Variants in GSE1 observed in about 807,000 individuals in gnomAD.
The protein encoded by GSE1 is genetic suppressor element 1.
Under a neutral mutation model 112.6 loss-of-function variants are expected in GSE1, and 32 were observed. That is an observed-to-expected ratio of 0.28 (90% CI 0.21 to 0.38). The LOEUF (loss-of-function observed/expected upper bound fraction) is 0.38. GSE1 is among the 10% of genes least tolerant of loss of function. GSE1 has a pLI of 1.00. For synonymous variants in GSE1, 1,115 were observed against 735.6 expected (o/e 1.52, Z -8.35); for missense variants, 2,348 against 1,699.2 (o/e 1.38, Z -6.71).
chr16:85,424,850 C>T (rs2048931901), intron 2 of GSE1, among the ~76,000 whole-genome samples: 1 of 151,180 alleles, frequency 6.6e-6, no homozygotes, highest in African/African-American at 2.5e-5. Flanking sequence ...GCAGCTGTCA[C>T]TTACAGCGAT....
chr16:85,494,307 C>G (rs930763698), intron 2 of GSE1, among the ~76,000 whole-genome samples: 5 of 152,326 alleles, frequency 3.3e-5, no homozygotes, highest in African/African-American at 1.2e-4. Context: ...CTTGTGGCCG[C>G]TTCACTACAG....
At chr16:85,363,427 T>C (rs1181698206) in intron 2 of GSE1, among the ~76,000 whole-genome samples, 2 of 152,194 alleles carry the variant, frequency 1.3e-5, no homozygotes, top group African/African-American at 2.4e-5. Flanking sequence ...GGGGAACCAC[T>C]GGGCCAGGCC....
At chr16:85,385,458 C>T (rs772277887) in intron 2 of GSE1, among the ~76,000 whole-genome samples, 20 of 152,124 alleles carry the variant, frequency 1.3e-4, no homozygotes, top group Admixed American at 3.9e-4. Context: ...CTGGGTGGGA[C>T]ATACTTGCCT....
intron 2 of GSE1, among the ~76,000 whole-genome samples, chr16:85,396,675 C>T (rs1386423360): frequency 6.6e-6 from 1 of 152,240 alleles, no homozygotes; most frequent in African/African-American, 2.4e-5. Context: ...ATTCTCAGGA[C>T]CCCACAACGG....
At chr16:85,397,649 G>C (rs1386602948) in intron 2 of GSE1, among the ~76,000 whole-genome samples, 1 of 152,232 alleles carries the variant, frequency 6.6e-6, no homozygotes, top group Non-Finnish European at 1.5e-5. Context: ...CGGAGCACCA[G>C]GGTGCGGGAG....
At chr16:85,301,324 G>A (rs1023334808) in intron 1 of GSE1, among the ~76,000 whole-genome samples, 30 of 152,250 alleles carry the variant, frequency 2.0e-4, no homozygotes, top group African/African-American at 4.3e-4. Context: ...ACTGGGAGAC[G>A]TGTCGGATTC....
Position 85,655,752 on chromosome 16 carries a change from C to T in GSE1, c.824C>T (p.Ala275Val), listed in dbSNP as rs1171240541. 4 of 1,607,758 alleles carry T rather than the reference C, an allele frequency of 2.5e-6. No individual in the cohort carries two copies. Among genetic ancestry groups the T allele is most frequent in the Non-Finnish European group, 3.4e-6 (4 of 1,177,240 alleles). ...ATGGACGACTCCTACTGCCTGTCTGCCCTGAGGTCCCCGTTCTACCCCATC... is the reference window on the plus strand; with the variant it reads ...ATGGACGACTCCTACTGCCTGTCTGTCCTGAGGTCCCCGTTCTACCCCATC... The part of the protein sequence containing the change: ...FRMDDSYCLS[A>V]LRSPFYPIPT... The change falls in exon 6 of 16, where the codon GCC becomes GTC. Residue 275 changes from alanine to valine, a missense_variant. Coordinates refer to ENST00000253458, the MANE Select transcript of GSE1 (RefSeq NM_014615.5).
chr16:85,656,368 C>T lies in GSE1; in HGVS notation c.1015C>T (p.Arg339Trp), dbSNP rs750219239. ...GCTGCAGATGGACGAGGAGCTAAGG[C>T]GGGAGAGGGAGCGCGAGCGCGAGCG... Reference protein sequence around the residue: ...ERLQMDEELRRERERERERER... With the variant: ...ERLQMDEELRWERERERERER... The change falls in exon 7 of 16, where the codon CGG becomes TGG. Residue 339 changes from arginine to tryptophan, a missense_variant. Physicochemically the swap from Arg to Trp is moderately radical, Grantham distance 101 (BLOSUM62 -3). Coordinates refer to ENST00000253458, the MANE Select transcript of GSE1 (RefSeq NM_014615.5). The T allele has an allele frequency of 2.6e-5, 41 of 1,604,642 alleles. No homozygotes were observed. The highest frequency in any genetic ancestry group is 6.6e-5 in the South Asian group (6 of 90,628).
At chr16:85,485,704 G>C (rs561678988) in intron 2 of GSE1, among the ~76,000 whole-genome samples, 1 of 152,242 alleles carries the variant, frequency 6.6e-6, no homozygotes, top group Admixed American at 6.5e-5. Flanking sequence ...GAGGCGGCCG[G>C]CTGTGCATCA....
intron 1 of GSE1, among the ~76,000 whole-genome samples, chr16:85,567,427 C>T (rs749219125): frequency 2.0e-5 from 3 of 152,178 alleles, no homozygotes; most frequent in South Asian, 2.1e-4. Context: ...TGCAGAGTCC[C>T]GAGTCGTCTG....
intron 1 of GSE1, among the ~76,000 whole-genome samples, chr16:85,631,896 A>G (rs919811954): frequency 1.3e-5 from 2 of 152,254 alleles, no homozygotes; most frequent in Non-Finnish European, 2.9e-5. Flanking sequence ...CTCTGTGCAC[A>G]GGGAGAGGCA....
chr16:85,226,784 T>C (rs892800357), intron 1 of GSE1, among the ~76,000 whole-genome samples: 25 of 148,348 alleles, frequency 1.7e-4, no homozygotes, highest in African/African-American at 4.7e-4. Context: ...TGTGTGTGTG[T>C]GTGTGTGTGT....
intron 1 of GSE1, among the ~76,000 whole-genome samples, chr16:85,317,762 C>A (rs2046017038): frequency 6.6e-6 from 1 of 152,202 alleles, no homozygotes; most frequent in Non-Finnish European, 1.5e-5. Flanking sequence ...TGCCGCGCTG[C>A]CCACCAGTGT....
At chr16:85,258,119 G>T (rs965862199) in intron 1 of GSE1, among the ~76,000 whole-genome samples, 2 of 152,210 alleles carry the variant, frequency 1.3e-5, no homozygotes, top group African/African-American at 4.8e-5. Context: ...CAATTGAGGG[G>T]CAGGGTAGAG....
rs886197627 is a variant in GSE1 at position 85,676,148 on chromosome 16, A to C, written c.*3609A>C. The C allele has an allele frequency of 2.6e-5, 4 of 152,656 alleles. No homozygotes were observed. The highest frequency in any genetic ancestry group is 6.5e-5 in the Admixed American group (1 of 15,286). 9.5% of individuals were successfully genotyped at this position (152,656 alleles called of 1,614,324 possible). ...GAATGTAGTAATTAGGTATTTATGA[A>C]TATATTGCTGTAATTTCTGACAACA... On this transcript the variant is annotated 3_prime_UTR_variant, in exon 16 of 16. Coordinates refer to ENST00000253458, the MANE Select transcript of GSE1 (RefSeq NM_014615.5).
At chr16:85,307,761 C>T in intron 1 of GSE1, among the ~76,000 whole-genome samples, 1 of 152,242 alleles carries the variant, frequency 6.6e-6, no homozygotes, top group African/African-American at 2.4e-5. Flanking sequence ...TTCAAGGCCC[C>T]ACCATGAATC....
At chr16:85,237,975 A>G (rs1193551984) in intron 1 of GSE1, among the ~76,000 whole-genome samples, 1 of 151,934 alleles carries the variant, frequency 6.6e-6, no homozygotes, top group Non-Finnish European at 1.5e-5. Context: ...CACTAGTTGA[A>G]TGAATGAATG....
intron 2 of GSE1, among the ~76,000 whole-genome samples, chr16:85,477,946 G>A (rs993893090): frequency 1.3e-5 from 2 of 152,126 alleles, no homozygotes; most frequent in African/African-American, 4.8e-5. Flanking sequence ...GGCCCATGGT[G>A]TTGAGTCATC....
At chr16:85,503,992 G>A (rs778643005) in intron 2 of GSE1, among the ~76,000 whole-genome samples, 14 of 152,334 alleles carry the variant, frequency 9.2e-5, no homozygotes, top group East Asian at 1.9e-4. Context: ...TGTGGCGGTG[G>A]TCACCGGAGC....
Sources: gnomAD v4.1 joint callset for allele counts (sites outside exome capture counted in the v4.1 genomes callset) on GRCh38, gnomAD v4.1.1 for gene constraint, MANE v1.5 for transcripts, NCBI Gene and HGNC (gene_info 2026-07-23, HGNC 2026-07-21) for gene names.